The following CUX1 variants were observed in gnomAD, a reference collection of about 807,000 sequenced individuals.
CUX1 encodes protein CASP.
CUX1 carries 31 observed loss-of-function variants against 158.8 expected under a neutral mutation model. The observed-to-expected ratio is 0.20, with a 90% CI of 0.15 to 0.26. CUX1 has a LOEUF of 0.26. CUX1 is among the 10% of genes least tolerant of loss of function. The probability of loss-of-function intolerance (pLI) is 1.00; values close to 1 mark genes in which losing one functional copy is unlikely to be tolerated. For synonymous variants in CUX1, 879 were observed against 862.1 expected, an observed-to-expected ratio of 1.02 and a Z score of -0.34; for missense variants, 1,589 against 2,014.6, an observed-to-expected ratio of 0.79 and a Z score of 4.04.
rs1790023929 is a variant in CUX1 at position 102,257,480 on chromosome 7, T to C, written c.*8438T>C. The stretch of plus-strand genomic sequence containing the variant: ...GAATTCACCCAAAATTCTTAAAACA[T>C]TGGAGAATAGCTTGTTATAAAATAA... On this transcript the variant is annotated 3_prime_UTR_variant, in exon 24 of 24. Transcript: ENST00000292535. 3.0e-6 allele frequency: 3 copies of C among 985,164 alleles called. No homozygotes were observed. Among genetic ancestry groups the C allele is most frequent in the South Asian group, 4.7e-5 (1 of 21,282 alleles). The allele number at this position is 985,164 out of a possible 1,614,324, so 61.0% of individuals were successfully genotyped here.
At chr7:101,938,140 TCTCA>T (rs1233458850) in intron 2 of CUX1, among the ~76,000 whole-genome samples, 1 of 150,858 alleles carries the variant, frequency 6.6e-6, no homozygotes, top group Non-Finnish European at 1.5e-5. Flanking sequence ...TTTGAGACAG[TCTCA>T]CTCTGTCACT....
intron 23 of CUX1, among the ~76,000 whole-genome samples, chr7:102,241,279 A>G (rs1485531095): frequency 6.6e-6 from 1 of 152,072 alleles, no homozygotes; most frequent in Admixed American, 6.6e-5. Context: ...CATAGCTATA[A>G]CCATACTCTC....
In CUX1 at chr7:102,239,323, A is replaced by C. The variant is rs1554533945; in HGVS notation, c.3626A>C (p.Tyr1209Ser). 6.2e-7 allele frequency: 1 copy of C among 1,602,586 alleles called. No individual in the cohort carries two copies. The highest frequency in any genetic ancestry group is 8.5e-7 in the Non-Finnish European group (1 of 1,171,978). ...MDMKRMEKKA[Y>S]MKRRHSSVSD... ...TCTGCCATCTCTTCCTCCGCAGCCT[A>C]CATGAAGCGGCGGCACAGCTCAGTC... The change falls in exon 23 of 24, where the codon TAC becomes TCC. Residue 1209 changes from tyrosine (Y) to serine (S), a missense_variant. Tyr to Ser is a moderately radical substitution (Grantham distance 144, BLOSUM62 -2). Coordinates refer to ENST00000292535, the MANE Select transcript of CUX1 (RefSeq NM_181552.4).
chr7:102,044,536 A>T (rs1585398280), intron 3 of CUX1, among the ~76,000 whole-genome samples: 1 of 152,130 alleles, frequency 6.6e-6, no homozygotes, highest in South Asian at 2.1e-4. Flanking sequence ...TTGTTATTGC[A>T]TTAACTTTTC....
At chr7:102,029,799 A>G (rs1182630664) in intron 3 of CUX1, among the ~76,000 whole-genome samples, 2 of 152,178 alleles carry the variant, frequency 1.3e-5, no homozygotes, top group Non-Finnish European at 2.9e-5. Context: ...CCAAGCCCGT[A>G]GTTGATGAGT....
At chr7:101,895,777 C>T (rs1013642910) in intron 1 of CUX1, among the ~76,000 whole-genome samples, 3 of 151,844 alleles carry the variant, frequency 2.0e-5, no homozygotes, top group African/African-American at 7.3e-5. Context: ...TTCAGCGAGG[C>T]AGGGAGAAGT....
intron 2 of CUX1, among the ~76,000 whole-genome samples, chr7:102,012,815 C>T (rs973717469): frequency 5.3e-5 from 8 of 152,112 alleles, no homozygotes; most frequent in African/African-American, 1.9e-4. Context: ...ATTCTTAAAT[C>T]ATCTTAGCCG....
At chr7:101,837,731 T>C (rs1562908840) in intron 1 of CUX1, among the ~76,000 whole-genome samples, 1 of 143,170 alleles carries the variant, frequency 7.0e-6, no homozygotes, top group African/African-American at 2.6e-5. Context: ...CTCAGGAGGC[T>C]GAGGTGGGAG....
At chr7:102,094,639 G>T (rs1554483389) in intron 4 of CUX1, among the ~76,000 whole-genome samples, 2 of 152,188 alleles carry the variant, frequency 1.3e-5, no homozygotes, top group African/African-American at 4.8e-5. Context: ...AGTATACTAG[G>T]TGTGTTCTTT....
chr7:102,263,678 T>C (rs1790583261), intron 14 of CUX1, among the ~76,000 whole-genome samples: 1 of 151,938 alleles, frequency 6.6e-6, no homozygotes. Flanking sequence ...TTCACTTCTC[T>C]GTTTAATTTA....
intron 1 of CUX1, among the ~76,000 whole-genome samples, chr7:101,826,604 G>C (rs1793326596): frequency 6.6e-6 from 1 of 152,246 alleles, no homozygotes; most frequent in Admixed American, 6.5e-5. Flanking sequence ...AGGGCGGACA[G>C]GACTGGCAGG....
At chr7:102,114,010 A>G (rs1831205225) in intron 7 of CUX1, among the ~76,000 whole-genome samples, 1 of 152,138 alleles carries the variant, frequency 6.6e-6, no homozygotes, top group Admixed American at 6.5e-5. Flanking sequence ...GGTGGCATTT[A>G]TGTAAAGCTC....
At chr7:102,091,104 T>G (rs1828539724) in intron 4 of CUX1, among the ~76,000 whole-genome samples, 1 of 152,230 alleles carries the variant, frequency 6.6e-6, no homozygotes, top group South Asian at 2.1e-4. Context: ...ATATAGATGA[T>G]GGAAACATTT....
intron 21 of CUX1, among the ~76,000 whole-genome samples, chr7:102,230,450 A>C (rs574522626): frequency 1.1e-4 from 16 of 150,928 alleles, no homozygotes; most frequent in Non-Finnish European, 2.1e-4. Context: ...GCATCACTGC[A>C]CTCCAGCCTG....
intron 13 of CUX1, 26 bp from the exon 14 acceptor site, chr7:102,195,481 T>G: frequency 3.8e-6 from 6 of 1,592,168 alleles, no homozygotes; most frequent in Non-Finnish European, 5.1e-6. Context: ...GGCCCCGCAG[T>G]GAGACCCCCG....
chr7:102,094,762 G>T (rs1157856365), intron 4 of CUX1, among the ~76,000 whole-genome samples: 1 of 152,148 alleles, frequency 6.6e-6, no homozygotes, highest in African/African-American at 2.4e-5. Flanking sequence ...TGACCTCTAT[G>T]TCAAGTTTAA....
intron 11 of CUX1, among the ~76,000 whole-genome samples, chr7:102,180,904 T>TTATTTTATTTTATTG (rs1304266001): frequency 8.1e-5 from 7 of 86,352 alleles, no homozygotes; most frequent in Non-Finnish European, 1.3e-4. Flanking sequence ...AATTTTTATT[T>TTATTTTATTTTATTG]TATTTTATTT....
intron 4 of CUX1, among the ~76,000 whole-genome samples, chr7:102,076,011 C>T (rs1360246765): frequency 6.6e-6 from 1 of 152,056 alleles, no homozygotes; most frequent in Non-Finnish European, 1.5e-5. Flanking sequence ...CCCACCATCC[C>T]CACCCGCCCC....
At position 102,257,686 on chromosome 7, in the gene CUX1, ACTCT is replaced by A. The variant is rs370946143; in HGVS notation, c.*8647_*8650del. ...ACAGGGTGGCGGAATCTTCCGGAAA[ACTCT>A]CTATAAGCTCAGCTCCCCCCACCCC... On this transcript the variant is annotated 3_prime_UTR_variant, in exon 24 of 24. Transcript: ENST00000292535. The A allele has an allele frequency of 4.1e-6, 4 of 983,706 alleles. No homozygotes were observed. The highest frequency in any genetic ancestry group is 4.7e-5 in the South Asian group (1 of 21,194). 60.9% of individuals were successfully genotyped at this position (983,706 alleles called of 1,614,324 possible).
Sources: gnomAD v4.1 joint callset for allele counts (sites outside exome capture counted in the v4.1 genomes callset) on GRCh38, gnomAD v4.1.1 for gene constraint, MANE v1.5 for transcripts, NCBI Gene and HGNC (gene_info 2026-07-23, HGNC 2026-07-21) for gene names.